Variants in SAMD12 observed in about 807,000 individuals in gnomAD.
SAMD12 encodes sterile alpha motif domain-containing protein 12.
Under a neutral mutation model 15.0 loss-of-function variants are expected in SAMD12, and 9 were observed. The observed-to-expected ratio is 0.60, with a 90% CI of 0.36 to 1.05. SAMD12 has a LOEUF of 1.05. Among genes scored for constraint, SAMD12 ranks in the 50% least tolerant of loss-of-function variants. SAMD12 has a pLI of 0.01. For synonymous variants in SAMD12, 86 were observed against 90.1 expected, an observed-to-expected ratio of 0.96 and a Z score of 0.25; for missense variants, 230 against 234.2, an observed-to-expected ratio of 0.98 and a Z score of 0.12.
intron 1 of SAMD12, among the ~76,000 whole-genome samples, chr8:118,585,362 G>C (rs912857142): frequency 6.6e-6 from 1 of 152,162 alleles, no homozygotes; most frequent in Admixed American, 6.6e-5. Flanking sequence ...TCTGGAGATG[G>C]ATGGTGATGA....
chr8:118,524,206 T>C (rs1389785640), intron 2 of SAMD12, among the ~76,000 whole-genome samples: 1 of 152,088 alleles, frequency 6.6e-6, no homozygotes, highest in East Asian at 1.9e-4. Context: ...ACAGGCTTTT[T>C]CCCCTTGACC....
At chr8:118,139,237 C>T in the SAMD12 span, among the ~76,000 whole-genome samples, 1 of 151,400 alleles carries the variant, frequency 6.6e-6, no homozygotes, top group East Asian at 1.9e-4. Context: ...AAATAGAAAT[C>T]TTCCCTTTAC....
chr8:118,457,648 T>C (rs16891069), intron 2 of SAMD12, among the ~76,000 whole-genome samples: 6,950 of 152,232 alleles, frequency 0.046, 468 homozygotes, highest in African/African-American at 0.14. Flanking sequence ...GATTTGATGG[T>C]TCCCATTTGA....
At chr8:118,489,859 T>G (rs962413473) in intron 2 of SAMD12, among the ~76,000 whole-genome samples, 7 of 152,268 alleles carry the variant, frequency 4.6e-5, no homozygotes, top group Non-Finnish European at 7.4e-5. Flanking sequence ...TCAAAACAAC[T>G]ACACAAATTA....
At chr8:118,541,114 G>A (rs1244621907) in intron 2 of SAMD12, among the ~76,000 whole-genome samples, 1 of 152,092 alleles carries the variant, frequency 6.6e-6, no homozygotes, top group East Asian at 1.9e-4. Context: ...GTACTATATT[G>A]TACCTATATT....
At chr8:118,234,667 T>C (rs1386494058) in intron 4 of SAMD12, among the ~76,000 whole-genome samples, 1 of 133,206 alleles carries the variant, frequency 7.5e-6, no homozygotes, top group East Asian at 2.1e-4. Context: ...GACAAGATCA[T>C]GCCACTGTAC....
intron 2 of SAMD12, among the ~76,000 whole-genome samples, chr8:118,544,058 A>G (rs1310542718): frequency 6.6e-6 from 1 of 151,732 alleles, no homozygotes; most frequent in Non-Finnish European, 1.5e-5. Context: ...TTCCCAATCC[A>G]CCCTACCCAT....
intron 2 of SAMD12, among the ~76,000 whole-genome samples, chr8:118,544,846 A>G (rs1409258823): frequency 7.9e-5 from 12 of 152,218 alleles, no homozygotes; most frequent in Non-Finnish European, 4.4e-5. Context: ...ATGAGGAAAC[A>G]TGTTAGTTTT....
chr8:118,315,159 C>T (rs1162821327), intron 4 of SAMD12, among the ~76,000 whole-genome samples: 1 of 152,150 alleles, frequency 6.6e-6, no homozygotes, highest in Non-Finnish European at 1.5e-5. Flanking sequence ...TGGAGACATG[C>T]TCACATGGAA....
intron 2 of SAMD12, among the ~76,000 whole-genome samples, chr8:118,518,263 A>G (rs1383257011): frequency 1.3e-5 from 2 of 152,188 alleles, no homozygotes; most frequent in Admixed American, 1.3e-4. Context: ...ATGTTACTTA[A>G]CAAGTGGGAG....
intron 2 of SAMD12, among the ~76,000 whole-genome samples, chr8:118,443,412 C>T (rs1249182213): frequency 3.3e-5 from 5 of 151,984 alleles, no homozygotes; most frequent in South Asian, 2.1e-4. Flanking sequence ...GAGCAGAGAT[C>T]GTGCCATTGT....
intron 2 of SAMD12, among the ~76,000 whole-genome samples, chr8:118,490,452 T>C (rs1025794712): frequency 4.6e-5 from 7 of 152,192 alleles, no homozygotes; most frequent in African/African-American, 1.7e-4. Context: ...AATATGGAAA[T>C]GTGAATAAAG....
the SAMD12 span, among the ~76,000 whole-genome samples, chr8:118,138,013 A>G: frequency 6.1e-4 from 92 of 152,026 alleles, no homozygotes; most frequent in African/African-American, 2.1e-3. Flanking sequence ...AAAATGAAAT[A>G]TCAATGTTAG....
At chr8:118,318,459 C>A (rs1816060410) in intron 4 of SAMD12, among the ~76,000 whole-genome samples, 2 of 151,106 alleles carry the variant, frequency 1.3e-5, no homozygotes, top group South Asian at 4.2e-4. Flanking sequence ...AGTGAAGTAA[C>A]TCAGGAATGG....
the SAMD12 span, among the ~76,000 whole-genome samples, chr8:118,133,333 T>G: frequency 6.6e-6 from 1 of 151,826 alleles, no homozygotes; most frequent in South Asian, 2.1e-4. Flanking sequence ...TTTGATCTTC[T>G]TTTTTTTCCT....
At chr8:118,139,722 G>A in the SAMD12 span, among the ~76,000 whole-genome samples, 2 of 152,070 alleles carry the variant, frequency 1.3e-5, no homozygotes, top group South Asian at 4.1e-4. Flanking sequence ...ATTCTATCTG[G>A]CTACAATAAT....
At chr8:118,573,678 C>T (rs957016258) in intron 2 of SAMD12, among the ~76,000 whole-genome samples, 10 of 152,078 alleles carry the variant, frequency 6.6e-5, no homozygotes, top group East Asian at 1.9e-4. Context: ...TTGTACCAAT[C>T]CAGAAAAGCA....
chr8:118,172,961 T>G, the SAMD12 span, among the ~76,000 whole-genome samples: 84 of 152,316 alleles, frequency 5.5e-4, no homozygotes, highest in Admixed American at 1.5e-3. Flanking sequence ...AGGAATTTGA[T>G]GGTATTTGTC....
At chr8:118,373,143 A>G (rs930872110), downstream of SAMD12, among the ~76,000 whole-genome samples, 22 of 152,296 alleles carry the variant, frequency 1.4e-4, no homozygotes, top group African/African-American at 5.1e-4. Flanking sequence ...GGTGAATTTT[A>G]CTGTATGCAA....
Sources: gnomAD v4.1 joint callset for allele counts (sites outside exome capture counted in the v4.1 genomes callset) on GRCh38, gnomAD v4.1.1 for gene constraint, MANE v1.5 for transcripts, NCBI Gene and HGNC (gene_info 2026-07-23, HGNC 2026-07-21) for gene names.